Variants in ARL15 observed in about 807,000 individuals in gnomAD.
ARL15 encodes the protein ARF like GTPase 15.
A neutral mutation model predicts 25.2 loss-of-function variants in ARL15; 19 were observed. The ratio of observed to expected loss-of-function variants is 0.75; its 90% CI spans 0.53 to 1.10. ARL15 has a LOEUF of 1.10. Ranked by LOEUF, ARL15 falls within the 50% of genes least tolerant of loss-of-function variation. ARL15 has a pLI of 0.00. For missense variants in ARL15, 220 were observed against 246.0 expected (o/e 0.89, Z 0.71); for synonymous variants, 94 against 86.8 (o/e 1.08, Z -0.46).
At chr5:53,949,765 G>A (rs1357108210) in intron 4 of ARL15, among the ~76,000 whole-genome samples, 2 of 152,064 alleles carry the variant, frequency 1.3e-5, no homozygotes, top group Non-Finnish European at 2.9e-5. Context: ...TATCATAATC[G>A]CTCAGAACAC....
In ARL15 at chr5:54,248,201, T is replaced by C. The variant is rs72754240; in HGVS notation, c.48+62231A>G. Among the ~76,000 whole-genome samples the C allele has an allele frequency of 9.7e-3, 1,478 of 152,202 alleles. 9 individuals carry two copies. Among genetic ancestry groups the C allele is most frequent in the Middle Eastern group, 0.02 (6 of 294 alleles). On this transcript the variant is annotated intron_variant, in intron 1 of 4. Transcript: ENST00000504924. ...GTGATGGTTTCTGAAGATGGAGCAT[T>C]TGGGAAATAACTGGGTTTTGAGAGG...
chr5:53,956,907 G>A (rs1330264779), intron 4 of ARL15, among the ~76,000 whole-genome samples: 1 of 151,734 alleles, frequency 6.6e-6, no homozygotes, highest in Non-Finnish European at 1.5e-5. Context: ...TCCAATCTGA[G>A]GAGCAGAAAG....
At chr5:54,140,597 A>T (rs1387545524) in intron 3 of ARL15, among the ~76,000 whole-genome samples, 5 of 152,188 alleles carry the variant, frequency 3.3e-5, no homozygotes. Context: ...GTGGGAAAAC[A>T]TATTTATGTT....
intron 4 of ARL15, among the ~76,000 whole-genome samples, chr5:54,097,584 A>C (rs2112166367): frequency 6.6e-6 from 1 of 152,276 alleles, no homozygotes; most frequent in Middle Eastern, 3.4e-3. Flanking sequence ...AAATTCCAAA[A>C]TTCTTTTGAA....
At chr5:54,249,523 A>G (rs1757184305) in intron 1 of ARL15, among the ~76,000 whole-genome samples, 1 of 152,176 alleles carries the variant, frequency 6.6e-6, no homozygotes, top group Admixed American at 6.5e-5. Context: ...TAACCTTGGG[A>G]ATAAGGAAGG....
chr5:54,285,418 G>T, intron 1 of ARL15: 1 of 719,694 alleles, frequency 1.4e-6, no homozygotes, highest in Non-Finnish European at 1.7e-6. Context: ...CAACAAGATG[G>T]CAGAAAATAA....
chr5:54,057,990 T>G (rs1379242282), intron 4 of ARL15, among the ~76,000 whole-genome samples: 2 of 29,610 alleles, frequency 6.8e-5, no homozygotes, highest in African/African-American at 2.2e-4. Flanking sequence ...ACTGGTGCCT[T>G]TATTTATTTA....
At chr5:54,069,649 T>A (rs1751357933) in intron 4 of ARL15, among the ~76,000 whole-genome samples, 1 of 151,796 alleles carries the variant, frequency 6.6e-6, no homozygotes, top group Admixed American at 6.6e-5. Flanking sequence ...GACTTTTTTT[T>A]ATTTTTTATT....
At chr5:54,045,710 A>T (rs1750486664) in intron 4 of ARL15, among the ~76,000 whole-genome samples, 1 of 152,002 alleles carries the variant, frequency 6.6e-6, no homozygotes, top group Non-Finnish European at 1.5e-5. Context: ...AGACATAGAG[A>T]GAGTGGGGCA....
chr5:54,057,389 A>G (rs1300166205), intron 4 of ARL15, among the ~76,000 whole-genome samples: 1 of 152,236 alleles, frequency 6.6e-6, no homozygotes, highest in Admixed American at 6.5e-5. Flanking sequence ...CTGGTAACAT[A>G]TTTAAAGGTG....
chr5:54,202,270 C>A (rs1282646188), intron 1 of ARL15, among the ~76,000 whole-genome samples: 2 of 152,156 alleles, frequency 1.3e-5, no homozygotes, highest in Non-Finnish European at 2.9e-5. Context: ...GAACCTGTGA[C>A]TGTTACGTTA....
chr5:54,305,269 G>C (rs1307644139), intron 1 of ARL15, among the ~76,000 whole-genome samples: 1 of 152,102 alleles, frequency 6.6e-6, no homozygotes, highest in Non-Finnish European at 1.5e-5. Context: ...GGAGGTCGAG[G>C]CAGGTGGATC....
chr5:53,993,460 G>A (rs1217193021), intron 4 of ARL15, among the ~76,000 whole-genome samples: 3 of 152,082 alleles, frequency 2.0e-5, no homozygotes, highest in African/African-American at 7.2e-5. Flanking sequence ...AAGAAGGAAT[G>A]ATGAAGATAA....
At chr5:54,169,821 G>A (rs375551539) in intron 2 of ARL15, among the ~76,000 whole-genome samples, 3 of 152,092 alleles carry the variant, frequency 2.0e-5, no homozygotes, top group African/African-American at 7.2e-5. Flanking sequence ...GAGAAAAGAA[G>A]GTAGTCAGAA....
At chr5:54,013,253 C>A (rs1440353243) in intron 4 of ARL15, among the ~76,000 whole-genome samples, 1 of 152,166 alleles carries the variant, frequency 6.6e-6, no homozygotes, top group Non-Finnish European at 1.5e-5. Flanking sequence ...GGTTAAGCAT[C>A]CCTAGTCAGA....
At chr5:54,080,005 A>ACG (rs1378550901) in intron 4 of ARL15, among the ~76,000 whole-genome samples, 8 of 140,698 alleles carry the variant, frequency 5.7e-5, no homozygotes, top group African/African-American at 2.1e-4. Flanking sequence ...ACACACACAC[A>ACG]CACACACACA....
chr5:54,280,485 C>T (rs4865812), intron 1 of ARL15, among the ~76,000 whole-genome samples: 19,326 of 152,212 alleles, frequency 0.13, 1,536 homozygotes, highest in East Asian at 0.41. Flanking sequence ...ATTATTCTCA[C>T]TATAACTTAA....
chr5:54,233,733 A>T (rs868701998), intron 1 of ARL15, among the ~76,000 whole-genome samples: 4 of 152,232 alleles, frequency 2.6e-5, no homozygotes, highest in Admixed American at 6.5e-5. Context: ...ATCACAGAAG[A>T]CTACTCACAA....
chr5:54,104,391 G>A (rs148372148), intron 4 of ARL15, among the ~76,000 whole-genome samples: 5 of 152,014 alleles, frequency 3.3e-5, no homozygotes, highest in African/African-American at 9.7e-5. Context: ...TCATACATGC[G>A]CCTGTTAAAA....
Sources: gnomAD v4.1 joint callset for allele counts (sites outside exome capture counted in the v4.1 genomes callset) on GRCh38, gnomAD v4.1.1 for gene constraint, MANE v1.5 for transcripts, NCBI Gene and HGNC (gene_info 2026-07-23, HGNC 2026-07-21) for gene names.